Variants in EXOC4 observed in about 807,000 individuals in gnomAD.
EXOC4 encodes SEC8-like 1.
EXOC4 carries 71 observed loss-of-function variants against 107.2 expected under a neutral mutation model. The ratio of observed to expected loss-of-function variants is 0.66; its 90% CI spans 0.55 to 0.81. EXOC4 has a LOEUF of 0.81. Among genes scored for constraint, EXOC4 ranks in the 30% least tolerant of loss-of-function variants. The pLI is 0.00. For missense variants in EXOC4, 1,108 were observed against 1,189.6 expected (o/e 0.93, Z 1.01); for synonymous variants, 456 against 441.2 (o/e 1.03, Z -0.42).
Position 134,035,337 on chromosome 7 carries a change from G to A in EXOC4, c.2687+27502G>A, listed in dbSNP as rs564954429. 1.9e-3 allele frequency among the ~76,000 whole-genome samples: 287 copies of A among 152,100 alleles called. 1 individual carries two copies. Among genetic ancestry groups the A allele is most frequent in the Non-Finnish European group, 3.2e-3 (218 of 67,970 alleles). The stretch of plus-strand genomic sequence containing the variant: ...TGGGATTACAGGCGTGAGCCACTGC[G>A]CCTGGCCAAAAAGTTTTCTTAAAAG... On this transcript the variant is annotated intron_variant, in intron 17 of 17. Coordinates refer to ENST00000253861, the MANE Select transcript of EXOC4 (RefSeq NM_021807.4).
chr7:133,345,599 G>GA (rs900780820), intron 5 of EXOC4, among the ~76,000 whole-genome samples: 4 of 151,780 alleles, frequency 2.6e-5, no homozygotes, highest in Non-Finnish European at 4.4e-5. Context: ...GCTATCTCTT[G>GA]AAAAAAATGA....
intron 7 of EXOC4, among the ~76,000 whole-genome samples, chr7:133,457,043 C>A (rs1293040124): frequency 6.6e-6 from 1 of 152,124 alleles, no homozygotes; most frequent in South Asian, 2.1e-4. Context: ...AACATAGTGC[C>A]CTGCATTCAA....
At chr7:133,554,491 G>C (rs761446122) in intron 9 of EXOC4, among the ~76,000 whole-genome samples, 16 of 152,066 alleles carry the variant, frequency 1.1e-4, no homozygotes, top group Non-Finnish European at 2.9e-5. Flanking sequence ...GTACCTATCT[G>C]CCTGATCTGT....
rs375151360 is a variant in EXOC4 at position 133,542,634 on chromosome 7, T to G, written c.1417+62496T>G. ...TTCTGTGGGTAGCCTTGGGGGAGAA[T>G]AGGACTGAGGAGGGGAGAAGATCAG... On this transcript the variant is annotated intron_variant, in intron 9 of 17. Coordinates refer to ENST00000253861, the MANE Select transcript of EXOC4 (RefSeq NM_021807.4). Among the ~76,000 whole-genome samples the G allele has an allele frequency of 5.3e-5, 8 of 151,848 alleles. No homozygotes were observed. In the East Asian group the frequency reaches 1.5e-3, roughly 29 times the overall value.
chr7:133,468,872 T>C (rs751554682), intron 7 of EXOC4, among the ~76,000 whole-genome samples: 2 of 152,186 alleles, frequency 1.3e-5, no homozygotes, highest in Admixed American at 6.5e-5. Context: ...ACTGATTTGC[T>C]GTACCCAGAA....
At chr7:133,528,922 A>T (rs1246035556) in intron 9 of EXOC4, among the ~76,000 whole-genome samples, 2 of 152,134 alleles carry the variant, frequency 1.3e-5, no homozygotes, top group Middle Eastern at 3.4e-3. Flanking sequence ...GGCTCTAGGG[A>T]CCCTGGAGTT....
chr7:133,298,225 CCTTTGTGGGATTTTAATAGT>C (rs1794562300), intron 3 of EXOC4, among the ~76,000 whole-genome samples: 1 of 152,148 alleles, frequency 6.6e-6, no homozygotes, highest in African/African-American at 2.4e-5. Context: ...CTCTATCATT[CCTTTGTGGGATTTTAATAGT>C]TCACGTTAGT....
intron 7 of EXOC4, among the ~76,000 whole-genome samples, chr7:133,473,608 C>T (rs1798935006): frequency 6.6e-6 from 1 of 151,940 alleles, no homozygotes; most frequent in African/African-American, 2.4e-5. Context: ...TTGTGTTTTC[C>T]ATTTGTATGG....
At chr7:133,277,224 G>A (rs1214779329) in intron 2 of EXOC4, among the ~76,000 whole-genome samples, 1 of 152,206 alleles carries the variant, frequency 6.6e-6, no homozygotes. Flanking sequence ...TAAAGTTATA[G>A]ATCACTTGCT....
chr7:133,852,975 CT>C (rs1393776007), intron 11 of EXOC4, among the ~76,000 whole-genome samples: 1 of 152,044 alleles, frequency 6.6e-6, no homozygotes, highest in Admixed American at 6.6e-5. Flanking sequence ...TCAAGTATTC[CT>C]TGAAGGCCTG....
intron 1 of EXOC4, 22 bp downstream of exon 1, chr7:133,253,209 G>C: frequency 6.2e-7 from 1 of 1,611,190 alleles, no homozygotes; most frequent in Non-Finnish European, 8.5e-7. Context: ...AGGAGGCAGG[G>C]TCTGGGGACT....
intron 14 of EXOC4, among the ~76,000 whole-genome samples, chr7:133,991,215 T>C (rs1401427666): frequency 6.6e-6 from 1 of 152,222 alleles, no homozygotes. Flanking sequence ...TTGTATGTCT[T>C]CTTTTGAGAA....
intron 10 of EXOC4, among the ~76,000 whole-genome samples, chr7:133,745,472 T>C (rs1795654269): frequency 6.6e-6 from 1 of 152,108 alleles, no homozygotes; most frequent in Non-Finnish European, 1.5e-5. Context: ...AAGTATTTTG[T>C]ACACAGTGTT....
intron 7 of EXOC4, among the ~76,000 whole-genome samples, chr7:133,396,698 T>C (rs1796977099): frequency 6.6e-6 from 1 of 152,298 alleles, no homozygotes; most frequent in East Asian, 1.9e-4. Context: ...ACAGGCTTCC[T>C]CCTGGGACAC....
At chr7:133,465,803 C>T (rs1798713431) in intron 7 of EXOC4, among the ~76,000 whole-genome samples, 1 of 151,950 alleles carries the variant, frequency 6.6e-6, no homozygotes, top group African/African-American at 2.4e-5. Context: ...AGAAGAAAGA[C>T]CTAAATAATC....
At chr7:133,838,850 G>T (rs921587373) in intron 11 of EXOC4, among the ~76,000 whole-genome samples, 1 of 152,238 alleles carries the variant, frequency 6.6e-6, no homozygotes, top group African/African-American at 2.4e-5. Context: ...GAGCATGGCT[G>T]CATTTCAGTA....
intron 10 of EXOC4, among the ~76,000 whole-genome samples, chr7:133,711,463 G>C (rs1488597809): frequency 2.6e-5 from 4 of 152,164 alleles, no homozygotes; most frequent in African/African-American, 7.2e-5. Flanking sequence ...TCTCATAAAA[G>C]TACATGGTAT....
chr7:133,986,029 A>C (rs531878289), intron 14 of EXOC4, among the ~76,000 whole-genome samples: 1 of 152,228 alleles, frequency 6.6e-6, no homozygotes, highest in Admixed American at 6.5e-5. Flanking sequence ...AAAAGGATTC[A>C]TTGGTTGGAT....
At chr7:133,607,452 T>C (rs1441308684) in intron 9 of EXOC4, among the ~76,000 whole-genome samples, 1 of 152,148 alleles carries the variant, frequency 6.6e-6, no homozygotes, top group Non-Finnish European at 1.5e-5. Context: ...CAAGATAGTA[T>C]TGGAAATAAA....
Sources: gnomAD v4.1 joint callset for allele counts (sites outside exome capture counted in the v4.1 genomes callset) on GRCh38, gnomAD v4.1.1 for gene constraint, MANE v1.5 for transcripts, NCBI Gene and HGNC (gene_info 2026-07-23, HGNC 2026-07-21) for gene names.